The following ZMAT4 variants were observed in gnomAD, a reference collection of about 807,000 sequenced individuals.
The protein encoded by ZMAT4 is zinc finger matrin-type protein 4.
In ZMAT4, 17 loss-of-function variants were observed where a neutral mutation model predicts 28.7. The ratio of observed to expected loss-of-function variants is 0.59; its 90% CI spans 0.41 to 0.89. The LOEUF (loss-of-function observed/expected upper bound fraction) is 0.89, where lower values mean the gene tolerates loss of function less well. ZMAT4 is among the 40% of genes least tolerant of loss of function. ZMAT4 has a pLI of 0.00. For missense variants in ZMAT4, 240 were observed against 283.8 expected, an observed-to-expected ratio of 0.85 and a Z score of 1.11; for synonymous variants, 117 against 109.2, an observed-to-expected ratio of 1.07 and a Z score of -0.44.
At chr8:40,806,901 A>C (rs1002192386) in intron 2 of ZMAT4, among the ~76,000 whole-genome samples, 2 of 152,092 alleles carry the variant, frequency 1.3e-5, no homozygotes, top group African/African-American at 4.8e-5. Flanking sequence ...CACACATCAC[A>C]GTTGTTTATC....
chr8:40,608,507 G>A (rs570570284), intron 5 of ZMAT4, among the ~76,000 whole-genome samples: 41 of 152,278 alleles, frequency 2.7e-4, no homozygotes, highest in African/African-American at 9.6e-4. Context: ...CCTCCCTGCT[G>A]AGAAAGCAGG....
intron 6 of ZMAT4, among the ~76,000 whole-genome samples, chr8:40,547,692 A>G (rs906876890): frequency 6.6e-6 from 1 of 152,180 alleles, no homozygotes; most frequent in Non-Finnish European, 1.5e-5. Context: ...TACCTTACAC[A>G]TGCCACGGTG....
chr8:40,573,104 T>C (rs958129899), intron 6 of ZMAT4, among the ~76,000 whole-genome samples: 3 of 152,168 alleles, frequency 2.0e-5, no homozygotes, highest in African/African-American at 7.2e-5. Flanking sequence ...GTTGCTTTAC[T>C]CCAGAGGCTC....
intron 5 of ZMAT4, among the ~76,000 whole-genome samples, chr8:40,620,301 T>C (rs866165919): frequency 6.6e-6 from 1 of 152,354 alleles, no homozygotes; most frequent in Middle Eastern, 3.4e-3. Flanking sequence ...AGAGAGTTGA[T>C]GCTGGAGCAA....
intron 5 of ZMAT4, among the ~76,000 whole-genome samples, chr8:40,601,446 AAGGAAGGAAGGGAGG>A (rs747260806): frequency 0.02 from 2,278 of 116,296 alleles, 173 homozygotes; most frequent in Middle Eastern, 0.045. Context: ...GGAAGGAAGG[AAGGAAGGAAGGGAGG>A]AAGAAAGGAA....
At chr8:40,654,214 C>T (rs1807816476) in intron 5 of ZMAT4, among the ~76,000 whole-genome samples, 2 of 152,110 alleles carry the variant, frequency 1.3e-5, no homozygotes, top group African/African-American at 4.8e-5. Context: ...CCAGAGACTC[C>T]CTGCCATGCT....
chr8:40,771,672 T>C (rs925122760), intron 2 of ZMAT4, among the ~76,000 whole-genome samples: 1 of 152,238 alleles, frequency 6.6e-6, no homozygotes. Context: ...CAATATATGC[T>C]ACTTCCAATT....
chr8:40,777,704 T>C (rs371809828), intron 2 of ZMAT4, among the ~76,000 whole-genome samples: 15 of 152,278 alleles, frequency 9.9e-5, no homozygotes, highest in East Asian at 1.9e-4. Flanking sequence ...GAGTGAGGTT[T>C]AGTCTGTGGG....
At chr8:40,647,144 T>A (rs1807361617) in intron 5 of ZMAT4, among the ~76,000 whole-genome samples, 1 of 152,206 alleles carries the variant, frequency 6.6e-6, no homozygotes, top group South Asian at 2.1e-4. Context: ...GGGTGATTTC[T>A]GCATTTCCAT....
chr8:40,662,337 T>C (rs2118859399), intron 5 of ZMAT4, among the ~76,000 whole-genome samples: 1 of 152,282 alleles, frequency 6.6e-6, no homozygotes, highest in African/African-American at 2.4e-5. Flanking sequence ...TGCCCTTTTC[T>C]TGGTCAACAT....
chr8:40,554,783 G>A (rs1254953310), intron 6 of ZMAT4, among the ~76,000 whole-genome samples: 2 of 152,140 alleles, frequency 1.3e-5, no homozygotes, highest in African/African-American at 4.8e-5. Context: ...CTATCACCTT[G>A]AGTATTTATC....
chr8:40,870,451 C>G (rs1586197243), intron 1 of ZMAT4, among the ~76,000 whole-genome samples: 1 of 152,302 alleles, frequency 6.6e-6, no homozygotes, highest in East Asian at 1.9e-4. Context: ...ACTAAAGAAC[C>G]TGGGAGGGCA....
At position 40,767,743 on chromosome 8, in the gene ZMAT4, A is replaced by C. The variant is rs773152461; in HGVS notation, c.103-13T>G. On this transcript the variant is annotated splice_polypyrimidine_tract_variant and intron_variant, in intron 2 of 6. Transcript: ENST00000297737. ...CATGTTTTCGACTCTGGGAAGGAAA[A>C]GCATAAGCAGATACTGTAAAAGATA... 152 of 1,607,084 alleles carry C rather than the reference A, an allele frequency of 9.5e-5. No homozygotes were observed. The highest frequency in any genetic ancestry group is 1.2e-4 in the Non-Finnish European group (141 of 1,177,118).
chr8:40,759,548 C>A (rs1308173109), intron 3 of ZMAT4, among the ~76,000 whole-genome samples: 1 of 152,124 alleles, frequency 6.6e-6, no homozygotes, highest in African/African-American at 2.4e-5. Context: ...AGGATGAGAA[C>A]CCTCGCCAGA....
At chr8:40,797,046 G>A (rs1236152642) in intron 2 of ZMAT4, among the ~76,000 whole-genome samples, 1 of 152,152 alleles carries the variant, frequency 6.6e-6, no homozygotes, top group Non-Finnish European at 1.5e-5. Flanking sequence ...CTGTGCTCCA[G>A]CAAAGCTACA....
chr8:40,693,764 C>A (rs1188084520), intron 4 of ZMAT4, among the ~76,000 whole-genome samples: 1 of 152,194 alleles, frequency 6.6e-6, no homozygotes, highest in Non-Finnish European at 1.5e-5. Flanking sequence ...TTCAGAAATT[C>A]TAGTAAACAT....
chr8:40,731,886 A>T (rs1811558674), intron 3 of ZMAT4, among the ~76,000 whole-genome samples: 1 of 152,248 alleles, frequency 6.6e-6, no homozygotes, highest in African/African-American at 2.4e-5. Flanking sequence ...AATAGTATCT[A>T]GCCTTTAAAA....
intron 2 of ZMAT4, among the ~76,000 whole-genome samples, chr8:40,815,567 C>A (rs555934848): frequency 6.6e-6 from 1 of 152,276 alleles, no homozygotes; most frequent in South Asian, 2.1e-4. Context: ...GCTGAGGAGA[C>A]CCCCAGGAGA....
chr8:40,698,692 G>T (rs1006727873), intron 3 of ZMAT4, among the ~76,000 whole-genome samples: 1 of 152,180 alleles, frequency 6.6e-6, no homozygotes, highest in African/African-American at 2.4e-5. Flanking sequence ...AAATTATGTG[G>T]TAGTTAGGAA....
Sources: allele counts gnomAD v4.1 joint callset (sites outside exome capture counted in the v4.1 genomes callset), GRCh38; gene constraint gnomAD v4.1.1; transcripts MANE v1.5; gene names NCBI Gene and HGNC (gene_info 2026-07-23, HGNC 2026-07-21).